DTNA: variants seen among roughly 807,000 people sequenced by gnomAD.
The protein encoded by DTNA is dystrobrevin alpha, also known as dystrophin-related protein 3.
DTNA carries 43 observed loss-of-function variants against 100.7 expected under a neutral mutation model. That is an observed-to-expected ratio of 0.43 (90% CI 0.33 to 0.55). DTNA has a LOEUF of 0.55. Among genes scored for constraint, DTNA ranks in the 20% least tolerant of loss-of-function variants. The probability of loss-of-function intolerance (pLI) is 0.04; values close to 1 mark genes in which losing one functional copy is unlikely to be tolerated. For missense variants in DTNA, 798 were observed against 953.9 expected, an observed-to-expected ratio of 0.84 and a Z score of 2.15; for synonymous variants, 349 against 347.9, an observed-to-expected ratio of 1.00 and a Z score of -0.04.
intron 1 of DTNA, among the ~76,000 whole-genome samples, chr18:34,746,347 C>T (rs2091577292): frequency 6.6e-6 from 1 of 152,002 alleles, no homozygotes; most frequent in South Asian, 2.1e-4. Flanking sequence ...GATCAGAAGG[C>T]AGTCATTTCC....
At chr18:34,508,575 GT>G (rs2040724180) in intron 1 of DTNA, among the ~76,000 whole-genome samples, 1 of 152,148 alleles carries the variant, frequency 6.6e-6, no homozygotes, top group Admixed American at 6.5e-5. Flanking sequence ...GTTTTAAAAT[GT>G]TTTATGATGG....
At chr18:34,670,561 C>T (rs1184584646) in intron 1 of DTNA, among the ~76,000 whole-genome samples, 1 of 151,986 alleles carries the variant, frequency 6.6e-6, no homozygotes, top group Non-Finnish European at 1.5e-5. Flanking sequence ...TTTTATCTAC[C>T]TTTGGTCTTT....
chr18:34,789,609 ATATTGTTTG>A (rs1372757084), intron 3 of DTNA, among the ~76,000 whole-genome samples: 2 of 152,202 alleles, frequency 1.3e-5, no homozygotes, highest in Non-Finnish European at 2.9e-5. Context: ...AACCACATCT[ATATTGTTTG>A]TATTGAGTCC....
chr18:34,559,283 A>G (rs1391445182), intron 1 of DTNA, among the ~76,000 whole-genome samples: 1 of 152,256 alleles, frequency 6.6e-6, no homozygotes, highest in South Asian at 2.1e-4. Flanking sequence ...CAGTTGTTTA[A>G]TTGCTTTCTT....
At chr18:34,719,791 C>T (rs144135422) in intron 1 of DTNA, among the ~76,000 whole-genome samples, 129 of 152,056 alleles carry the variant, frequency 8.5e-4, no homozygotes, top group African/African-American at 2.6e-3. Context: ...AGGAGCATGC[C>T]CTTATAAATT....
rs1348843554 is a variant in DTNA at position 34,639,606 on chromosome 18, T to A, written c.-1-116370T>A. Among the ~76,000 whole-genome samples the A allele has an allele frequency of 2.6e-5, 4 of 152,186 alleles. No individual in the cohort carries two copies. The East Asian group carries it at 7.7e-4, about 29-fold the overall frequency. On this transcript the variant is annotated intron_variant, in intron 1 of 19. Coordinates refer to the DTNA transcript ENST00000283365. ...ACTTCTCTGAATTGATTAAGTGGCATAGTACTGCAAAATCTCCTTCAGCAA... is the reference window on the plus strand; with the variant it reads ...ACTTCTCTGAATTGATTAAGTGGCAAAGTACTGCAAAATCTCCTTCAGCAA...
intron 1 of DTNA, among the ~76,000 whole-genome samples, chr18:34,658,876 G>A (rs2074771473): frequency 1.3e-5 from 2 of 152,132 alleles, no homozygotes; most frequent in South Asian, 4.1e-4. Flanking sequence ...AAAATGGCCA[G>A]AATTAAATAA....
chr18:34,868,827 C>A, intron 17 of DTNA: 1 of 915,660 alleles, frequency 1.1e-6, no homozygotes, highest in Non-Finnish European at 1.3e-6. Flanking sequence ...AGTTATCCTA[C>A]CCTCTTTCTT....
intron 1 of DTNA, among the ~76,000 whole-genome samples, chr18:34,747,330 G>A (rs957540930): frequency 6.6e-6 from 1 of 151,918 alleles, no homozygotes; most frequent in Non-Finnish European, 1.5e-5. Context: ...CACTTAGGGT[G>A]CTTTTATTTT....
intron 15 of DTNA, among the ~76,000 whole-genome samples, chr18:34,855,413 T>C (rs1376869998): frequency 6.6e-6 from 1 of 152,084 alleles, no homozygotes; most frequent in East Asian, 1.9e-4. Flanking sequence ...GTTCCAGAAA[T>C]AAAAATAAAG....
chr18:34,557,535 GA>G (rs1247637418), intron 1 of DTNA, among the ~76,000 whole-genome samples: 1 of 151,424 alleles, frequency 6.6e-6, no homozygotes, highest in African/African-American at 2.4e-5. Flanking sequence ...GTGATGTACA[GA>G]TGGGTTTTTG....
At chr18:34,790,584 T>C (rs1482980200) in intron 3 of DTNA, among the ~76,000 whole-genome samples, 1 of 141,918 alleles carries the variant, frequency 7.0e-6, no homozygotes, top group African/African-American at 2.6e-5. Context: ...TTTTTTTTTT[T>C]TTTTTGAGAC....
At chr18:34,808,614 T>G (rs1162788450) in intron 5 of DTNA, among the ~76,000 whole-genome samples, 1 of 152,150 alleles carries the variant, frequency 6.6e-6, no homozygotes, top group Non-Finnish European at 1.5e-5. Context: ...GTTACAAAGT[T>G]CAAAATATAA....
At chr18:34,697,039 C>G (rs746697166) in intron 1 of DTNA, among the ~76,000 whole-genome samples, 1 of 152,154 alleles carries the variant, frequency 6.6e-6, no homozygotes, top group Admixed American at 6.5e-5. Context: ...ATCTACGATG[C>G]TCAGGGCAGT....
chr18:34,623,363 T>A (rs904701034), intron 1 of DTNA, among the ~76,000 whole-genome samples: 2 of 152,204 alleles, frequency 1.3e-5, no homozygotes, highest in Non-Finnish European at 2.9e-5. Context: ...TACTGTAGAT[T>A]TTTGGTGTTG....
At chr18:34,578,412 T>TC (rs2146592693) in intron 1 of DTNA, among the ~76,000 whole-genome samples, 1 of 150,260 alleles carries the variant, frequency 6.7e-6, no homozygotes, top group African/African-American at 2.5e-5. Flanking sequence ...ATTTTTTTTT[T>TC]CCCACTCTGT....
At chr18:34,511,395 T>G (rs2469899) in intron 1 of DTNA, among the ~76,000 whole-genome samples, 126,346 of 151,982 alleles carry the variant, frequency 0.83, 53,476 homozygotes, top group East Asian at 0.93. Context: ...ATAGGAAAAG[T>G]GATCCTATGT....
At chr18:34,620,505 A>T (rs1231897532) in intron 1 of DTNA, among the ~76,000 whole-genome samples, 4 of 152,242 alleles carry the variant, frequency 2.6e-5, no homozygotes, top group African/African-American at 9.6e-5. Context: ...ATTGCTATAA[A>T]TAAATACCTG....
intron 1 of DTNA, among the ~76,000 whole-genome samples, chr18:34,557,101 G>T (rs1482834855): frequency 6.7e-6 from 1 of 150,358 alleles, no homozygotes; most frequent in African/African-American, 2.5e-5. Flanking sequence ...TTCCCTTCTC[G>T]CTTCATTTCA....
Sources: allele counts gnomAD v4.1 joint callset (sites outside exome capture counted in the v4.1 genomes callset), GRCh38; gene constraint gnomAD v4.1.1; transcripts MANE v1.5; gene names NCBI Gene and HGNC (gene_info 2026-07-23, HGNC 2026-07-21).